GABRB2: variants seen among roughly 807,000 people sequenced by gnomAD.
The protein encoded by GABRB2 is gamma-aminobutyric acid type A receptor subunit beta2.
In GABRB2, 16 loss-of-function variants were observed where a neutral mutation model predicts 54.7. That is an observed-to-expected ratio of 0.29 (90% CI 0.20 to 0.44). GABRB2 has a LOEUF of 0.44. Among genes scored for constraint, GABRB2 ranks in the 20% least tolerant of loss-of-function variants. The pLI, the probability that GABRB2 is intolerant of heterozygous loss-of-function variation, is 1.00. For synonymous variants in GABRB2, 244 were observed against 233.8 expected (o/e 1.04, Z -0.40); for missense variants, 355 against 644.0 (o/e 0.55, Z 4.86).
At chr5:161,402,464 A>G (rs960018452) in intron 5 of GABRB2, among the ~76,000 whole-genome samples, 7 of 152,220 alleles carry the variant, frequency 4.6e-5, no homozygotes, top group African/African-American at 7.2e-5. Context: ...AGGAAGGAAT[A>G]GTAATAAATC....
At chr5:161,337,719 A>C in intron 5 of GABRB2, among the ~76,000 whole-genome samples, 1 of 152,178 alleles carries the variant, frequency 6.6e-6, no homozygotes, top group East Asian at 1.9e-4. Context: ...GATTGTAAAC[A>C]GTGCTGTACA....
chr5:161,303,996 G>A (rs971046079), intron 9 of GABRB2, among the ~76,000 whole-genome samples: 1 of 152,124 alleles, frequency 6.6e-6, no homozygotes, highest in African/African-American at 2.4e-5. Flanking sequence ...CCCTAAAGCT[G>A]ACCATTACCG....
At chr5:161,464,258 C>A (rs1758212028) in intron 3 of GABRB2, among the ~76,000 whole-genome samples, 2 of 151,962 alleles carry the variant, frequency 1.3e-5, no homozygotes, top group African/African-American at 4.8e-5. Flanking sequence ...AAAATTCAAA[C>A]AATCTAACAA....
intron 5 of GABRB2, among the ~76,000 whole-genome samples, chr5:161,372,791 T>C (rs899030706): frequency 4.6e-5 from 7 of 152,130 alleles, no homozygotes; most frequent in Admixed American, 1.3e-4. Context: ...GATAAAGCAA[T>C]TAAAGGACCA....
intron 3 of GABRB2, among the ~76,000 whole-genome samples, chr5:161,491,334 G>A (rs1353416474): frequency 6.6e-6 from 1 of 151,546 alleles, no homozygotes; most frequent in African/African-American, 2.4e-5. Context: ...ATGACTTAAT[G>A]GCACTTACCA....
chr5:161,530,760 G>A (rs904863557), intron 3 of GABRB2, among the ~76,000 whole-genome samples: 1 of 152,048 alleles, frequency 6.6e-6, no homozygotes, highest in Non-Finnish European at 1.5e-5. Flanking sequence ...TAACAAAGGT[G>A]CCATTTTTCA....
chr5:161,505,339 C>T (rs888872108), intron 3 of GABRB2, among the ~76,000 whole-genome samples: 27 of 152,108 alleles, frequency 1.8e-4, no homozygotes, highest in East Asian at 1.6e-3. Context: ...CCATGTTTGC[C>T]GGGCTGGTCT....
intron 3 of GABRB2, among the ~76,000 whole-genome samples, chr5:161,464,731 T>C (rs1213157614): frequency 1.3e-5 from 2 of 152,166 alleles, no homozygotes; most frequent in East Asian, 3.9e-4. Context: ...AACCAACTTA[T>C]TGATATAAGC....
intron 3 of GABRB2, among the ~76,000 whole-genome samples, chr5:161,522,879 T>C (rs948993494): frequency 6.6e-6 from 1 of 151,578 alleles, no homozygotes; most frequent in African/African-American, 2.4e-5. Context: ...GTTAATTATG[T>C]ATAAACACAG....
chr5:161,383,270 G>A (rs909213791), intron 5 of GABRB2, among the ~76,000 whole-genome samples: 5 of 151,566 alleles, frequency 3.3e-5, no homozygotes, highest in East Asian at 1.9e-4. Flanking sequence ...CATTTCCTTC[G>A]CTCTCCAGGC....
intron 5 of GABRB2, among the ~76,000 whole-genome samples, chr5:161,363,394 G>A (rs921991691): frequency 9.9e-5 from 15 of 152,152 alleles, no homozygotes; most frequent in Non-Finnish European, 2.1e-4. Flanking sequence ...GGGGGGCTGA[G>A]GGAGGGATAG....
chr5:161,361,139 G>C (rs1025884960), intron 5 of GABRB2, among the ~76,000 whole-genome samples: 1 of 151,814 alleles, frequency 6.6e-6, no homozygotes, highest in East Asian at 1.9e-4. Flanking sequence ...GAAATAGAAA[G>C]AGAAGGAGGC....
intron 3 of GABRB2, among the ~76,000 whole-genome samples, chr5:161,471,653 T>C (rs1407137393): frequency 1.3e-5 from 2 of 152,034 alleles, no homozygotes; most frequent in Non-Finnish European, 2.9e-5. Flanking sequence ...TTCTAGGTGA[T>C]AACGGGACTG....
intron 4 of GABRB2, among the ~76,000 whole-genome samples, chr5:161,442,907 G>A (rs989298873): frequency 4.6e-5 from 7 of 152,040 alleles, no homozygotes; most frequent in Non-Finnish European, 1.0e-4. Context: ...TTACCACAGA[G>A]CAGTGGGAAA....
intron 4 of GABRB2, among the ~76,000 whole-genome samples, chr5:161,429,860 T>C (rs1757125417): frequency 6.6e-6 from 1 of 152,138 alleles, no homozygotes; most frequent in Non-Finnish European, 1.5e-5. Context: ...TGTGGTGAAC[T>C]ACAGAAAACC....
At chr5:161,400,471 T>C (rs1045815402) in intron 5 of GABRB2, among the ~76,000 whole-genome samples, 4 of 152,090 alleles carry the variant, frequency 2.6e-5, no homozygotes, top group African/African-American at 7.2e-5. Flanking sequence ...CAGAGAGATT[T>C]ATAATATGTT....
At chr5:161,540,450 C>A (rs1760776491) in intron 3 of GABRB2, among the ~76,000 whole-genome samples, 1 of 152,196 alleles carries the variant, frequency 6.6e-6, no homozygotes, top group South Asian at 2.1e-4. Flanking sequence ...CCTTGAACAC[C>A]TCAAAGTCAT....
At chr5:161,456,682 A>G (rs1757963625) in intron 4 of GABRB2, among the ~76,000 whole-genome samples, 1 of 152,038 alleles carries the variant, frequency 6.6e-6, no homozygotes, top group Non-Finnish European at 1.5e-5. Context: ...TAAAGTTAAT[A>G]TAAATAAGAT....
intron 4 of GABRB2, among the ~76,000 whole-genome samples, chr5:161,448,355 C>G (rs1183865293): frequency 6.6e-6 from 1 of 151,948 alleles, no homozygotes; most frequent in Admixed American, 6.6e-5. Context: ...ACCAGGGATT[C>G]GAAGCTGCTC....
Sources: allele counts gnomAD v4.1 joint callset (sites outside exome capture counted in the v4.1 genomes callset), GRCh38; gene constraint gnomAD v4.1.1; transcripts MANE v1.5; gene names NCBI Gene and HGNC (gene_info 2026-07-23, HGNC 2026-07-21).